VAV2: variants seen among roughly 807,000 people sequenced by gnomAD.
VAV2 encodes the protein vav guanine nucleotide exchange factor 2, also known as guanine nucleotide exchange factor VAV2.
A neutral mutation model predicts 132.5 loss-of-function variants in VAV2; 67 were observed. That is an observed-to-expected ratio of 0.51 (90% CI 0.42 to 0.62). The LOEUF (loss-of-function observed/expected upper bound fraction) is 0.62, where lower values mean the gene tolerates loss of function less well. Ranked by LOEUF, VAV2 falls within the 20% of genes least tolerant of loss-of-function variation. The pLI, the probability that VAV2 is intolerant of heterozygous loss-of-function variation, is 0.00. For missense variants in VAV2, 938 were observed against 1,153.6 expected (o/e 0.81, Z 2.71); for synonymous variants, 492 against 443.5 (o/e 1.11, Z -1.37).
chr9:133,908,300 G>A (rs1464759342), intron 2 of VAV2, among the ~76,000 whole-genome samples: 3 of 152,068 alleles, frequency 2.0e-5, no homozygotes, highest in African/African-American at 7.2e-5. Flanking sequence ...AAAAGACAGA[G>A]GGAAAATGCC....
chr9:133,813,326 G>GA (rs1835429573), intron 4 of VAV2, among the ~76,000 whole-genome samples: 1 of 152,230 alleles, frequency 6.6e-6, no homozygotes, highest in Non-Finnish European at 1.5e-5. Flanking sequence ...AGGCGAGGCA[G>GA]GGACAGAAGC....
intron 3 of VAV2, among the ~76,000 whole-genome samples, chr9:133,851,307 C>G (rs1344204118): frequency 6.6e-6 from 1 of 151,900 alleles, no homozygotes; most frequent in Non-Finnish European, 1.5e-5. Context: ...AGTGGCAGCT[C>G]CTCCTCCTCC....
At chr9:133,942,321 C>T (rs912039696) in intron 1 of VAV2, among the ~76,000 whole-genome samples, 7 of 152,312 alleles carry the variant, frequency 4.6e-5, no homozygotes, top group Admixed American at 3.3e-4. Context: ...GGGCGTGGGA[C>T]GGGCTCTCCT....
intron 1 of VAV2, 114 bp from the exon 2 acceptor site, chr9:133,939,333 A>G (rs1841047268): frequency 1.1e-6 from 1 of 918,886 alleles, no homozygotes; most frequent in African/African-American, 1.6e-5. Flanking sequence ...AGCACATCCA[A>G]GCTCATTCCT....
At position 133,833,959 on chromosome 9, in the gene VAV2, A is replaced by G. The variant is rs938382175; in HGVS notation, c.449+313T>C. Among the ~76,000 whole-genome samples, 2 of 152,156 alleles carry G rather than the reference A, an allele frequency of 1.3e-5. No individual in the cohort carries two copies. The highest frequency in any genetic ancestry group is 4.8e-5 in the African/African-American group (2 of 41,436). On this transcript the variant is annotated intron_variant, in intron 4 of 29. Coordinates refer to ENST00000371850, the MANE Select transcript of VAV2 (RefSeq NM_001134398.2). This position sits in a 1 kb window ranked among gnomAD's most constrained non-coding sequence, Gnocchi z 5.6. ...TCTGCCCCACAGCTTCGCAGAGACA[A>G]GCCCTCATGGAGGACCCTGCTAGGG...
chr9:133,778,764 C>T lies in VAV2; in HGVS notation c.1888G>A (p.Glu630Lys). The T allele has an allele frequency of 6.2e-7, 1 of 1,612,516 alleles. No individual in the cohort carries two copies. Among genetic ancestry groups the T allele is most frequent in the Non-Finnish European group, 8.5e-7 (1 of 1,179,946 alleles). ...LRGDPESPWW[E>K]GRLVQTRKSG... ...CCCTCCCGGGCCCCAGGACCCACCTCCCACCACGGAGACTCAGGGTCGCCC... is the reference window on the plus strand; with the variant it reads ...CCCTCCCGGGCCCCAGGACCCACCTTCCACCACGGAGACTCAGGGTCGCCC... Residue 630 changes from glutamate (E) to lysine (K), a missense_variant and splice_region_variant, in exon 22 of 30, where the codon GAG (glutamate) becomes AAG (lysine). Physicochemically the swap from Glu to Lys is moderately conservative, Grantham distance 56 (BLOSUM62 1). Coordinates refer to ENST00000371850, the MANE Select transcript of VAV2 (RefSeq NM_001134398.2).
At position 133,794,857 on chromosome 9, in the gene VAV2, T is replaced by C. The variant is rs1281191824; in HGVS notation, c.1101+811A>G. ...GAACAAGTGTGTCCAGGAGGAAGAG[T>C]GCCACCCACGAGGAAGCCAGTTCCC... On this transcript the variant is annotated intron_variant, in intron 12 of 29. Coordinates refer to ENST00000371850, the MANE Select transcript of VAV2 (RefSeq NM_001134398.2). This position sits in a 1 kb window ranked among gnomAD's most constrained non-coding sequence, Gnocchi z 4.6. 1.3e-5 allele frequency among the ~76,000 whole-genome samples: 2 copies of C among 151,844 alleles called. No individual in the cohort carries two copies. Among genetic ancestry groups the C allele is most frequent in the African/African-American group, 2.4e-5 (1 of 41,294 alleles).
intron 3 of VAV2, among the ~76,000 whole-genome samples, chr9:133,843,297 G>A (rs1024143449): frequency 6.6e-6 from 1 of 152,210 alleles, no homozygotes; most frequent in African/African-American, 2.4e-5. Context: ...AGGGCTTCTC[G>A]CAGGTGGCGG....
rs1833283847 is a variant in VAV2 at position 133,762,257 on chromosome 9, C to T, written c.*1805G>A. 1 of 152,596 alleles carries T rather than the reference C, an allele frequency of 6.6e-6. No individual in the cohort carries two copies. Among genetic ancestry groups the T allele is most frequent in the Non-Finnish European group, 1.5e-5 (1 of 68,026 alleles). The allele number at this position is 152,596 out of a possible 1,614,324, so 9.5% of individuals were successfully genotyped here. On this transcript the variant is annotated 3_prime_UTR_variant, in exon 30 of 30. Coordinates refer to ENST00000371850, the MANE Select transcript of VAV2 (RefSeq NM_001134398.2). This position sits in a 1 kb window ranked among gnomAD's most constrained non-coding sequence, Gnocchi z 5.0. ...GTTCTAAATTATTTTTTCTCAGTGTCCTTCGTGATCATGATGACTTATTTG... is the reference window on the plus strand; with the variant it reads ...GTTCTAAATTATTTTTTCTCAGTGTTCTTCGTGATCATGATGACTTATTTG...
chr9:133,782,227 T>TC (rs1834037162), intron 19 of VAV2, among the ~76,000 whole-genome samples: 1 of 152,200 alleles, frequency 6.6e-6, no homozygotes, highest in Middle Eastern at 3.2e-3. Flanking sequence ...AAATTTCATT[T>TC]CTTTTTTTTT....
At chr9:133,980,281 C>G (rs1414518599) in intron 1 of VAV2, among the ~76,000 whole-genome samples, 1 of 152,214 alleles carries the variant, frequency 6.6e-6, no homozygotes, top group Non-Finnish European at 1.5e-5. Flanking sequence ...TCAACCCCCA[C>G]ACAGCTGCAT....
Position 133,768,022 on chromosome 9 carries a change from G to A in VAV2, c.2589+420C>T, listed in dbSNP as rs1164203412. Among the ~76,000 whole-genome samples, 4 of 152,172 alleles carry A rather than the reference G, an allele frequency of 2.6e-5. No individual in the cohort carries two copies. The highest frequency in any genetic ancestry group is 2.6e-4 in the Admixed American group (4 of 15,282). Reference sequence around the variant, plus strand: ...CTACTGCCTCACCAGGGCATAGATAGGGCCTTAGAAAATGGCAGGAGGAGC... The same window carrying A: ...CTACTGCCTCACCAGGGCATAGATAAGGCCTTAGAAAATGGCAGGAGGAGC... On this transcript the variant is annotated intron_variant, in intron 29 of 29. Transcript: ENST00000371850. The surrounding 1 kb of genome is among the most constrained non-coding windows in gnomAD (Gnocchi z 5.3).
chr9:133,783,666 C>T, intron 18 of VAV2, 75 bp from the exon 19 acceptor site: 5 of 1,388,520 alleles, frequency 3.6e-6, no homozygotes, highest in East Asian at 4.6e-5. Flanking sequence ...GGTCAAGGCC[C>T]TTGTCCCCAC....
At chr9:133,783,381 G>A in intron 19 of VAV2, 122 bp downstream of exon 19, 1 of 887,008 alleles carries the variant, frequency 1.1e-6, no homozygotes, top group East Asian at 2.5e-5. Flanking sequence ...GTGAGCACTG[G>A]TGCCCTCATC....
intron 2 of VAV2, among the ~76,000 whole-genome samples, chr9:133,873,966 C>A (rs565960974): frequency 2.6e-4 from 40 of 152,238 alleles, no homozygotes; most frequent in Non-Finnish European, 4.8e-4. Context: ...GGCCTCCTGC[C>A]TGCCAGATCT....
intron 1 of VAV2, among the ~76,000 whole-genome samples, chr9:133,978,943 G>A (rs1031330874): frequency 3.3e-5 from 5 of 152,252 alleles, no homozygotes; most frequent in Admixed American, 6.5e-5. Context: ...GGTGAAGAAG[G>A]GGGCTCATCA....
rs1448115227 is a variant in VAV2 at position 133,926,480 on chromosome 9, C to T, written c.321+12623G>A. ...CCTTCTGAAAACCCCAGGATAGCAC[C>T]CCAAATCTCTCTGGTAGGGCTCTCT... On this transcript the variant is annotated intron_variant, in intron 2 of 29. Transcript: ENST00000371850. The surrounding 1 kb of genome is among the most constrained non-coding windows in gnomAD (Gnocchi z 4.3). Among the ~76,000 whole-genome samples, 2 of 152,140 alleles carry T rather than the reference C, an allele frequency of 1.3e-5. No homozygotes were observed. The highest frequency in any genetic ancestry group is 2.9e-5 in the Non-Finnish European group (2 of 68,004).
chr9:133,775,021 C>T lies in VAV2; in HGVS notation c.2049G>A (p.Thr683=), dbSNP rs775044627. 10 of 1,612,254 alleles carry T rather than the reference C, an allele frequency of 6.2e-6. No individual in the cohort carries two copies. In the East Asian group the frequency reaches 8.9e-5, roughly 14 times the overall value. ...WFAGNMERQQ[T]DNLLKSHASG... ...TGGCGTGGGACTTGAGCAGGTTGTC[C>T]GTCTGCTGCCTCTCCATGTTACCTG... Residue 683 remains threonine, a synonymous_variant, in exon 25 of 30, where the codon ACG becomes ACA. Coordinates refer to ENST00000371850, the MANE Select transcript of VAV2 (RefSeq NM_001134398.2).
At chr9:133,791,684 G>A in intron 13 of VAV2, 99 bp downstream of exon 13, 1 of 1,054,204 alleles carries the variant, frequency 9.5e-7, no homozygotes, top group Non-Finnish European at 1.5e-6. Flanking sequence ...GCCATGGTGT[G>A]GCTGCCCATG....
Sources: gnomAD v4.1 joint callset for allele counts (sites outside exome capture counted in the v4.1 genomes callset) on GRCh38, gnomAD v4.1.1 for gene constraint, Gnocchi (gnomAD v3.1) non-coding constraint, MANE v1.5 for transcripts, NCBI Gene and HGNC (gene_info 2026-07-23, HGNC 2026-07-21) for gene names.